Variants in CSMD1 observed in about 807,000 individuals in gnomAD.
The protein encoded by CSMD1 is CUB and Sushi multiple domains 1.
In CSMD1, 213 loss-of-function variants were observed where a neutral mutation model predicts 417.5. That is an observed-to-expected ratio of 0.51 (90% CI 0.46 to 0.57). The LOEUF (loss-of-function observed/expected upper bound fraction) is 0.57. Ranked by LOEUF, CSMD1 falls within the 20% of genes least tolerant of loss-of-function variation. CSMD1 has a pLI of 0.00. For missense variants in CSMD1, 6,923 were observed against 4,529.7 expected (o/e 1.53, Z -15.17); for synonymous variants, 2,862 against 1,736.8 (o/e 1.65, Z -16.11).
intron 1 of CSMD1, among the ~76,000 whole-genome samples, chr8:4,972,547 C>G (rs923657524): frequency 6.6e-6 from 1 of 152,164 alleles, no homozygotes; most frequent in Non-Finnish European, 1.5e-5. Flanking sequence ...AGCCTCCCAG[C>G]CATGGGGAAC....
intron 49 of CSMD1, among the ~76,000 whole-genome samples, chr8:3,073,540 T>C (rs1585280042): frequency 6.6e-6 from 1 of 152,324 alleles, no homozygotes; most frequent in East Asian, 1.9e-4. Context: ...TAGCTCTATG[T>C]ATAAATGAAA....
chr8:4,005,623 A>G (rs1227678904), intron 4 of CSMD1, among the ~76,000 whole-genome samples: 3 of 152,184 alleles, frequency 2.0e-5, no homozygotes, highest in Non-Finnish European at 2.9e-5. Flanking sequence ...TTCACTCTCA[A>G]TTGAGAGAAC....
intron 33 of CSMD1, among the ~76,000 whole-genome samples, chr8:3,197,243 T>C (rs1004955853): frequency 1.8e-4 from 17 of 96,480 alleles, no homozygotes; most frequent in African/African-American, 5.4e-4. Flanking sequence ...AGTCACACGT[T>C]TTTTTGCACA....
intron 1 of CSMD1, among the ~76,000 whole-genome samples, chr8:4,729,154 C>T (rs1809684406): frequency 6.6e-6 from 1 of 151,926 alleles, no homozygotes; most frequent in Admixed American, 6.6e-5. Context: ...CAAGGACAGG[C>T]TAATGAGACG....
chr8:2,992,515 C>T (rs1053546833), intron 54 of CSMD1, among the ~76,000 whole-genome samples: 2 of 151,974 alleles, frequency 1.3e-5, no homozygotes, highest in Non-Finnish European at 2.9e-5. Flanking sequence ...CCTCTGCCTT[C>T]TGGATTCAAG....
intron 3 of CSMD1, among the ~76,000 whole-genome samples, chr8:4,038,154 A>G (rs1041639483): frequency 1.3e-5 from 2 of 152,198 alleles, no homozygotes; most frequent in Admixed American, 6.5e-5. Context: ...ACACAAAGTT[A>G]TAAATTTATG....
intron 40 of CSMD1, among the ~76,000 whole-genome samples, chr8:3,145,317 G>A (rs1329762528): frequency 6.6e-6 from 1 of 152,252 alleles, no homozygotes; most frequent in East Asian, 1.9e-4. Context: ...AAATGGCTGA[G>A]AATGTGCTCA....
At position 3,694,751 on chromosome 8, in the gene CSMD1, A is replaced by C. The variant is rs2623596; in HGVS notation, c.1009+13663T>G. 5.6e-3 allele frequency among the ~76,000 whole-genome samples: 849 copies of C among 151,882 alleles called. 10 individuals are homozygous for C. Among genetic ancestry groups the C allele is most frequent in the African/African-American group, 0.019 (794 of 41,396 alleles). On this transcript the variant is annotated intron_variant, in intron 7 of 69. Coordinates refer to ENST00000635120, the MANE Select transcript of CSMD1 (RefSeq NM_033225.6). ...CAGGTGCCATTCTGCTTCGAAAGCAACACCAAAAAAGAAGTGGAAAGAGCG... is the reference window on the plus strand; with the variant it reads ...CAGGTGCCATTCTGCTTCGAAAGCACCACCAAAAAAGAAGTGGAAAGAGCG...
intron 12 of CSMD1, among the ~76,000 whole-genome samples, chr8:3,430,177 A>T (rs187140923): frequency 7.9e-5 from 12 of 152,276 alleles, no homozygotes; most frequent in Admixed American, 7.9e-4. Flanking sequence ...TGGGAATTCT[A>T]ATATCTCATC....
At chr8:3,568,252 C>G (rs78037842) in intron 10 of CSMD1, among the ~76,000 whole-genome samples, 3,933 of 152,184 alleles carry the variant, frequency 0.026, 163 homozygotes, top group African/African-American at 0.085. Flanking sequence ...CAAAGTTTCA[C>G]ATATTTTGTT....
chr8:4,012,600 G>T (rs554019514), intron 4 of CSMD1, among the ~76,000 whole-genome samples: 1 of 152,012 alleles, frequency 6.6e-6, no homozygotes, highest in Non-Finnish European at 1.5e-5. Context: ...GTAGGCCTCA[G>T]TGACTATGTC....
intron 3 of CSMD1, among the ~76,000 whole-genome samples, chr8:4,084,486 T>C (rs76210106): frequency 6.5e-4 from 99 of 152,326 alleles, no homozygotes; most frequent in African/African-American, 2.2e-3. Context: ...ACATCTTTCA[T>C]TAAGCCTCTA....
chr8:3,562,120 G>C (rs562618762), intron 10 of CSMD1, among the ~76,000 whole-genome samples: 5 of 129,528 alleles, frequency 3.9e-5, no homozygotes, highest in Admixed American at 1.6e-4. Flanking sequence ...TGAGGGAAAA[G>C]AAAATCCAAC....
At chr8:3,982,439 T>C (rs1042671279) in intron 5 of CSMD1, among the ~76,000 whole-genome samples, 5 of 151,900 alleles carry the variant, frequency 3.3e-5, no homozygotes, top group South Asian at 4.2e-4. Flanking sequence ...ATGGAATTAA[T>C]AGAAAGATCT....
chr8:4,905,115 A>G (rs1805155201), intron 1 of CSMD1, among the ~76,000 whole-genome samples: 1 of 152,120 alleles, frequency 6.6e-6, no homozygotes, highest in South Asian at 2.1e-4. Context: ...AGTGCTCTAT[A>G]TACTCAACTT....
rs765193321 is a variant in CSMD1, at chr8:2,963,390, G to C, written c.9286C>G (p.Leu3096Val). The change falls in exon 60 of 70, where the codon CTG (leucine) becomes GTG (valine). Residue 3096 changes from leucine to valine, a missense_variant. By Grantham distance (32) the Leu-to-Val change is conservative. Transcript: ENST00000635120. ...TGCACCGGCGGCGGCTGAGGACACA[G>C]CACGGCTATTTCCAAAGAACAAACA... Reference protein sequence around the residue: ...NPSKPVCKAVLCPQPPPVQNG... With the variant: ...NPSKPVCKAVVCPQPPPVQNG... The C allele has an allele frequency of 2.4e-5, 38 of 1,613,484 alleles. No individual in the cohort carries two copies. The African/African-American group carries it at 4.7e-4, about 20-fold the overall frequency.
At chr8:4,480,440 G>A (rs1423115677) in intron 2 of CSMD1, among the ~76,000 whole-genome samples, 2 of 152,248 alleles carry the variant, frequency 1.3e-5, no homozygotes, top group East Asian at 3.9e-4. Context: ...AGTCTATTGC[G>A]AGCATAACCT....
At chr8:3,795,065 T>G (rs77794050) in intron 5 of CSMD1, among the ~76,000 whole-genome samples, 5 of 79,456 alleles carry the variant, frequency 6.3e-5, no homozygotes, top group African/African-American at 2.5e-4. Flanking sequence ...GCTATAGATA[T>G]ATATCTATCA....
chr8:4,980,495 T>C (rs933569762), intron 1 of CSMD1, among the ~76,000 whole-genome samples: 2 of 152,116 alleles, frequency 1.3e-5, no homozygotes, highest in African/African-American at 2.4e-5. Flanking sequence ...CACTGTAAAA[T>C]GAAAGGAGAA....
Sources: gnomAD v4.1 joint callset for allele counts (sites outside exome capture counted in the v4.1 genomes callset) on GRCh38, gnomAD v4.1.1 for gene constraint, MANE v1.5 for transcripts, NCBI Gene and HGNC (gene_info 2026-07-23, HGNC 2026-07-21) for gene names.